The following ENOX1 variants were observed in gnomAD, a reference collection of about 807,000 sequenced individuals.
ENOX1 encodes candidate growth-related and time keeping constitutive hydroquinone (NADH) oxidase.
ENOX1 carries 42 observed loss-of-function variants against 82.5 expected under a neutral mutation model. That is an observed-to-expected ratio of 0.51 (90% confidence interval 0.40 to 0.66). ENOX1 has a LOEUF of 0.66. ENOX1 is among the 30% of genes least tolerant of loss of function. The pLI is 0.00. For synonymous variants in ENOX1, 271 were observed against 282.2 expected, an observed-to-expected ratio of 0.96 and a Z score of 0.40; for missense variants, 608 against 811.6, an observed-to-expected ratio of 0.75 and a Z score of 3.05.
intron 1 of ENOX1, among the ~76,000 whole-genome samples, chr13:43,668,656 C>T (rs11838431): frequency 3.2e-4 from 48 of 152,182 alleles, no homozygotes; most frequent in African/African-American, 1.2e-3. Flanking sequence ...TAAAGAGCCC[C>T]AAAGTGGAAG....
chr13:43,478,426 C>T (rs977115525), intron 3 of ENOX1, among the ~76,000 whole-genome samples: 5 of 151,798 alleles, frequency 3.3e-5, no homozygotes, highest in Admixed American at 1.3e-4. Flanking sequence ...TTCTGAGAAG[C>T]CAAATATAAC....
Position 43,355,899 on chromosome 13 carries a change from C to G in ENOX1, c.823+20G>C, listed in dbSNP as rs753849649. Reference sequence around the variant, plus strand: ...GGGGATCCCTGTGGAGGAAGAAAAGCCAGCGTGGGTGGCCCATACCTTTCA... The same window carrying G: ...GGGGATCCCTGTGGAGGAAGAAAAGGCAGCGTGGGTGGCCCATACCTTTCA... On this transcript the variant is annotated intron_variant, in intron 8 of 16. Coordinates refer to ENST00000690772, the MANE Select transcript of ENOX1 (RefSeq NM_001347969.2). 1.3e-6 allele frequency: 2 copies of G among 1,596,532 alleles called. No homozygotes were observed. The highest frequency in any genetic ancestry group is 1.7e-6 in the Non-Finnish European group (2 of 1,169,770).
At chr13:43,659,144 TATA>T (rs1170862658) in intron 2 of ENOX1, among the ~76,000 whole-genome samples, 2 of 152,164 alleles carry the variant, frequency 1.3e-5, no homozygotes, top group Non-Finnish European at 2.9e-5. Context: ...GTTTCATGGT[TATA>T]ATATCATGCC....
Position 43,681,686 on chromosome 13 carries a change from AACACACACAC to A in ENOX1, c.-284-14152_-284-14143del, listed in dbSNP as rs3044219. On this transcript the variant is annotated intron_variant, in intron 1 of 16. Transcript: ENST00000690772. ...ATTCCCACTTGGGCCATAATGCATA[AACACACACAC>A]ACACACACACACACACACACACACA... Among the ~76,000 whole-genome samples, 966 of 135,332 alleles carry A rather than the reference AACACACACAC, an allele frequency of 7.1e-3. 6 individuals are homozygous for A. The highest frequency in any genetic ancestry group is 0.022 in the African/African-American group (807 of 36,496). 88.8% of individuals were successfully genotyped at this position (135,332 alleles called of 152,430 possible). A position where few individuals can be genotyped will look rare whatever the true frequency, so the allele number is the denominator to read the frequency against.
At position 43,310,197 on chromosome 13, in the gene ENOX1, C is replaced by CAAAAAA. The variant is rs10555409; in HGVS notation, c.1262-11673_1262-11668dup. On this transcript the variant is annotated intron_variant, in intron 11 of 16. Coordinates refer to ENST00000690772, the MANE Select transcript of ENOX1 (RefSeq NM_001347969.2). ...CTGGTGACAGAGCGAGATTCCATCT[C>CAAAAAA]AAAAAAAAAAAAAAAAAAAAAAAAA... Among the ~76,000 whole-genome samples, 2 of 82,608 alleles carry CAAAAAA rather than the reference C, an allele frequency of 2.4e-5. 1 individual carries two copies. The allele number at this position is 82,608 out of a possible 152,430, so 54.2% of individuals were successfully genotyped here.
chr13:43,491,512 T>TA (rs2076618323), intron 2 of ENOX1, among the ~76,000 whole-genome samples: 1 of 152,204 alleles, frequency 6.6e-6, no homozygotes, highest in African/African-American at 2.4e-5. Flanking sequence ...CTCATGCCTG[T>TA]AATCCCAGCA....
At chr13:43,676,873 T>A (rs1262106142) in intron 1 of ENOX1, among the ~76,000 whole-genome samples, 3 of 152,170 alleles carry the variant, frequency 2.0e-5, no homozygotes, top group Admixed American at 2.0e-4. Context: ...CTTATGAAGA[T>A]GGAGTCATTT....
chr13:43,719,310 C>CACACAT (rs2088391365), intron 1 of ENOX1, among the ~76,000 whole-genome samples: 1 of 125,570 alleles, frequency 8.0e-6, no homozygotes, highest in Admixed American at 7.3e-5. Context: ...AATACACACA[C>CACACAT]ACACACACAC....
At chr13:43,723,544 A>G (rs2153818979) in intron 1 of ENOX1, among the ~76,000 whole-genome samples, 1 of 152,312 alleles carries the variant, frequency 6.6e-6, no homozygotes, top group Admixed American at 6.5e-5. Flanking sequence ...CAAACTCTTA[A>G]TCTTCTTATA....
At chr13:43,510,768 A>G (rs889987032) in intron 2 of ENOX1, among the ~76,000 whole-genome samples, 2 of 152,116 alleles carry the variant, frequency 1.3e-5, no homozygotes, top group Non-Finnish European at 2.9e-5. Context: ...TAACCTCTCT[A>G]TGCTTAATTT....
At chr13:43,434,398 C>T (rs997957252) in intron 3 of ENOX1, among the ~76,000 whole-genome samples, 5 of 152,164 alleles carry the variant, frequency 3.3e-5, no homozygotes, top group African/African-American at 9.7e-5. Flanking sequence ...GCCTCCCACA[C>T]GCCAGTGCTC....
At position 43,446,086 on chromosome 13, in the gene ENOX1, G is replaced by A. The variant is rs138217237; in HGVS notation, c.-74-33098C>T. 2.0e-5 allele frequency among the ~76,000 whole-genome samples: 3 copies of A among 152,000 alleles called. No individual in the cohort carries two copies. The East Asian group carries it at 5.8e-4, about 29-fold the overall frequency. On this transcript the variant is annotated intron_variant, in intron 3 of 16. Coordinates refer to ENST00000690772, the MANE Select transcript of ENOX1 (RefSeq NM_001347969.2). ...CCACAAGAAAAGAAATCAAGGGAGG[G>A]AACAAATGTAAATACTGAGACAATG...
chr13:43,421,847 T>C (rs1008171638), intron 3 of ENOX1, among the ~76,000 whole-genome samples: 33 of 149,830 alleles, frequency 2.2e-4, no homozygotes, highest in Non-Finnish European at 3.7e-4. Context: ...AATATAGTTA[T>C]AAATTTATAA....
At chr13:43,533,331 T>C (rs1173150914) in intron 2 of ENOX1, among the ~76,000 whole-genome samples, 1 of 152,142 alleles carries the variant, frequency 6.6e-6, no homozygotes, top group Non-Finnish European at 1.5e-5. Flanking sequence ...CCCTTCTCAA[T>C]ATTTTGTGTC....
intron 15 of ENOX1, among the ~76,000 whole-genome samples, chr13:43,235,002 G>A (rs990894622): frequency 9.9e-5 from 15 of 152,066 alleles, no homozygotes; most frequent in Admixed American, 7.9e-4. Flanking sequence ...ACTTAAAGAG[G>A]GAAAAGTTTA....
intron 16 of ENOX1, among the ~76,000 whole-genome samples, chr13:43,217,483 G>A (rs1434848586): frequency 6.6e-6 from 1 of 152,138 alleles, no homozygotes; most frequent in African/African-American, 2.4e-5. Flanking sequence ...AAGGAAGCAG[G>A]ACAAGGCTTG....
intron 5 of ENOX1, among the ~76,000 whole-genome samples, chr13:43,392,591 A>T (rs920547007): frequency 1.3e-5 from 2 of 152,220 alleles, no homozygotes; most frequent in Non-Finnish European, 2.9e-5. Flanking sequence ...GCTACTCAGG[A>T]GGCTGAGGCA....
chr13:43,374,001 T>C (rs2051428298), intron 5 of ENOX1, among the ~76,000 whole-genome samples: 1 of 152,124 alleles, frequency 6.6e-6, no homozygotes, highest in African/African-American at 2.4e-5. Context: ...CCCCAAACTT[T>C]TCTTCTGGAA....
chr13:43,214,380 T>TG (rs2041352939), intron 16 of ENOX1, among the ~76,000 whole-genome samples: 1 of 152,156 alleles, frequency 6.6e-6, no homozygotes, highest in Admixed American at 6.5e-5. Context: ...GCTACCTTAC[T>TG]GGCAGCACCA....
Sources: allele counts gnomAD v4.1 joint callset (sites outside exome capture counted in the v4.1 genomes callset), GRCh38; gene constraint gnomAD v4.1.1; transcripts MANE v1.5; gene names NCBI Gene and HGNC (gene_info 2026-07-23, HGNC 2026-07-21).